The following ANKRD17 variants were observed in gnomAD, a reference collection of about 807,000 sequenced individuals.
ANKRD17 encodes ankyrin repeat domain-containing protein 17.
Under a neutral mutation model 229.7 loss-of-function variants are expected in ANKRD17, and 19 were observed. The observed-to-expected ratio is 0.08, with a 90% CI of 0.06 to 0.12. The LOEUF (loss-of-function observed/expected upper bound fraction) is 0.12. Among genes scored for constraint, ANKRD17 ranks in the 10% least tolerant of loss-of-function variants. The pLI, the probability that ANKRD17 is intolerant of heterozygous loss-of-function variation, is 1.00. For synonymous variants in ANKRD17, 1,112 were observed against 1,146.1 expected (o/e 0.97, Z 0.60); for missense variants, 2,176 against 3,176.8 (o/e 0.68, Z 7.57).
chr4:73,234,895 C>T (rs148698292), intron 1 of ANKRD17, among the ~76,000 whole-genome samples: 162 of 152,232 alleles, frequency 1.1e-3, no homozygotes, highest in African/African-American at 3.7e-3. Context: ...TTAAGTATTA[C>T]CCAACTGCCC....
Position 73,146,825 on chromosome 4 carries a change from T to C in ANKRD17, c.1808A>G (p.Tyr603Cys). 1 of 1,613,108 alleles carries C rather than the reference T, an allele frequency of 6.2e-7. No individual in the cohort carries two copies. The highest frequency in any genetic ancestry group is 8.5e-7 in the Non-Finnish European group (1 of 1,179,356). ...ATCAGTATGACCATTTTCACAGGCA[T>C]ATGTTAGTGCTGTATCCCCTGTTGC... ...TTATGDTALT[Y>C]ACENGHTDVA... is the part of the protein sequence containing the mutation. The change falls in exon 10 of 34, where the codon TAT (tyrosine) becomes TGT (cysteine). Residue 603 changes from tyrosine (Y) to cysteine (C), a missense_variant. Physicochemically the swap from Tyr to Cys is radical, Grantham distance 194. Transcript: ENST00000358602.
At chr4:73,243,865 C>T (rs1001351471) in intron 1 of ANKRD17, among the ~76,000 whole-genome samples, 1 of 152,202 alleles carries the variant, frequency 6.6e-6, no homozygotes, top group Non-Finnish European at 1.5e-5. Context: ...GTTACCTATG[C>T]TGACCTTTCT....
intron 1 of ANKRD17, among the ~76,000 whole-genome samples, chr4:73,235,290 G>C (rs1182444704): frequency 6.6e-6 from 1 of 152,046 alleles, no homozygotes; most frequent in Non-Finnish European, 1.5e-5. Context: ...AGTCATCTTT[G>C]GCTGAAAATA....
intron 24 of ANKRD17, chr4:73,102,874 CAG>C: frequency 8.9e-6 from 2 of 224,856 alleles, no homozygotes; most frequent in Non-Finnish European, 1.7e-5. Flanking sequence ...AAAAAGGTAT[CAG>C]ATATCAGCAC....
chr4:73,126,711 A>C (rs1179323668), intron 16 of ANKRD17, among the ~76,000 whole-genome samples: 2 of 152,052 alleles, frequency 1.3e-5, no homozygotes, highest in Non-Finnish European at 2.9e-5. Context: ...CAAACTATCT[A>C]ATTTCTCATA....
intron 30 of ANKRD17, 21 bp from the exon 31 acceptor site, chr4:73,078,911 A>T: frequency 6.2e-7 from 1 of 1,601,148 alleles, no homozygotes; most frequent in Non-Finnish European, 8.5e-7. Flanking sequence ...GATATTTTGA[A>T]ATAAAATACA....
rs757236229 is a variant in ANKRD17 at position 73,139,573 on chromosome 4, G to A, written c.3043C>T (p.Pro1015Ser). The A allele has an allele frequency of 8.1e-6, 13 of 1,614,024 alleles. No individual in the cohort carries two copies. The African/African-American group carries it at 1.7e-4, about 22-fold the overall frequency. ...ETQQGLMVAS[P>S]AQTLNDTLDD... ...AGCGTGTCATTGAGGGTCTGAGCAGGGCTGGCTACCATTAACCCTTGTTGT... is the reference window on the plus strand; with the variant it reads ...AGCGTGTCATTGAGGGTCTGAGCAGAGCTGGCTACCATTAACCCTTGTTGT... The change falls in exon 15 of 34, where the codon CCT becomes TCT. Residue 1015 changes from proline to serine, a missense_variant. Physicochemically the swap from Pro to Ser is moderately conservative, Grantham distance 74. Around this residue, in one of 18 missense-constraint regions of ANKRD17, gnomAD observed 230 missense variants for 252.3 expected, o/e 0.91. Transcript: ENST00000358602.
At chr4:73,222,342 A>G (rs901998721) in intron 1 of ANKRD17, among the ~76,000 whole-genome samples, 7 of 152,200 alleles carry the variant, frequency 4.6e-5, no homozygotes, top group African/African-American at 1.7e-4. Context: ...AAGAGAAAAT[A>G]TAATTTAAAA....
chr4:73,094,662 T>C, intron 27 of ANKRD17, among the ~76,000 whole-genome samples: 1 of 150,736 alleles, frequency 6.6e-6, no homozygotes, highest in Middle Eastern at 3.5e-3. Flanking sequence ...GTATTATATA[T>C]ACATATATGT....
Position 73,121,639 on chromosome 4 carries a change from C to T in ANKRD17, c.3613G>A (p.Ala1205Thr), listed in dbSNP as rs1726735321. The T allele has an allele frequency of 6.2e-7, 1 of 1,613,534 alleles. No homozygotes were observed. The highest frequency in any genetic ancestry group is 1.3e-5 in the African/African-American group (1 of 74,896). ...YVNIIKILLNAGAEINSRTGS... is the reference protein window; with the variant it reads ...YVNIIKILLNTGAEINSRTGS... ...TGCCTAGAGTTAATCTCAGCTCCTG[C>T]ATTTAGTAATATTTTGATGATGTTC... Residue 1205 changes from alanine to threonine, a missense_variant, in exon 19 of 34, where the codon GCA becomes ACA. Physicochemically the swap from Ala to Thr is moderately conservative, Grantham distance 58. This residue lies in a region of ANKRD17 where 178 missense variants were observed against 421.7 expected (regional missense o/e 0.42). Coordinates refer to ENST00000358602, the MANE Select transcript of ANKRD17 (RefSeq NM_032217.5).
At position 73,120,206 on chromosome 4, in the gene ANKRD17, T is replaced by G. The variant is rs773637323; in HGVS notation, c.3981A>C (p.Ala1327=). 6.2e-6 allele frequency: 10 copies of G among 1,614,146 alleles called. 1 individual carries two copies. In the South Asian group the frequency reaches 1.1e-4, roughly 18 times the overall value. Residue 1327 remains alanine (A), a synonymous_variant, in exon 21 of 34, where the codon GCA becomes GCC. Transcript: ENST00000358602. ...AGAATTTGTAATGCCCTTTATCTGC[T>G]GCTATGGTTAAAGCTGTATCTCTTG... The part of the protein sequence containing the change: ...PSSRDTALTI[A]ADKGHYKFCE...
intron 21 of ANKRD17, 85 bp downstream of exon 21, chr4:73,120,077 T>G (rs1185552488): frequency 1.4e-6 from 2 of 1,416,442 alleles, no homozygotes; most frequent in African/African-American, 1.4e-5. Context: ...CACATTTGAT[T>G]TTTTAAATAG....
At chr4:73,084,138 T>C (rs1220597777) in intron 30 of ANKRD17, among the ~76,000 whole-genome samples, 1 of 152,096 alleles carries the variant, frequency 6.6e-6, no homozygotes, top group Non-Finnish European at 1.5e-5. Context: ...TCCCAGCAGT[T>C]TGGGAAGCCG....
chr4:73,113,346 T>C, intron 24 of ANKRD17: 1 of 1,289,498 alleles, frequency 7.8e-7, no homozygotes, highest in Non-Finnish European at 1.0e-6. Flanking sequence ...GTCACCCATT[T>C]AAAAAGTGTA....
intron 2 of ANKRD17, among the ~76,000 whole-genome samples, chr4:73,169,918 C>A (rs1733754819): frequency 6.6e-6 from 1 of 152,062 alleles, no homozygotes; most frequent in Admixed American, 6.5e-5. Flanking sequence ...TCCCAGCAGT[C>A]CAAATTTGAC....
chr4:73,187,618 G>A (rs1406985223), intron 1 of ANKRD17, among the ~76,000 whole-genome samples: 1 of 152,126 alleles, frequency 6.6e-6, no homozygotes, highest in African/African-American at 2.4e-5. Context: ...ATTCTGTAAG[G>A]AGGCCTTTGA....
At chr4:73,098,625 C>G (rs1382672024) in intron 25 of ANKRD17, 105 bp from the exon 26 acceptor site, 1 of 1,055,018 alleles carries the variant, frequency 9.5e-7, no homozygotes, top group Non-Finnish European at 1.4e-6. Context: ...TACTCTACTA[C>G]TATTAGCCAT....
intron 1 of ANKRD17, among the ~76,000 whole-genome samples, chr4:73,254,704 G>A (rs1475026443): frequency 6.6e-6 from 1 of 151,620 alleles, no homozygotes; most frequent in African/African-American, 2.4e-5. Context: ...GGAGGTGGAA[G>A]TTGCAGTGAG....
intron 1 of ANKRD17, among the ~76,000 whole-genome samples, chr4:73,183,445 G>GT (rs961195952): frequency 1.3e-5 from 2 of 151,762 alleles, no homozygotes; most frequent in Admixed American, 1.3e-4. Context: ...TATATAGAGG[G>GT]TTTTTTTGTT....
Sources: allele counts gnomAD v4.1 joint callset (sites outside exome capture counted in the v4.1 genomes callset), GRCh38; gene constraint gnomAD v4.1.1; regional missense constraint gnomAD v4.1.1; transcripts MANE v1.5; gene names NCBI Gene and HGNC (gene_info 2026-07-23, HGNC 2026-07-21).